The following RP1 variants were observed in gnomAD, a reference collection of about 807,000 sequenced individuals.
The protein encoded by RP1 is RP1 axonemal microtubule associated.
A neutral mutation model predicts 14.8 loss-of-function variants in RP1; 16 were observed. That is an observed-to-expected ratio of 1.08 (90% CI 0.73 to 1.65). The LOEUF (loss-of-function observed/expected upper bound fraction) is 1.65. Among genes scored for constraint, RP1 ranks in the 40% most tolerant of loss-of-function variants. The pLI is 0.00. For synonymous variants in RP1, 876 were observed against 883.6 expected (o/e 0.99, Z 0.15); for missense variants, 2,631 against 2,535.0 (o/e 1.04, Z -0.81).
chr8:54,667,782 C>T (rs1732021608), intron 7 of RP1, among the ~76,000 whole-genome samples: 1 of 151,996 alleles, frequency 6.6e-6, no homozygotes, highest in African/African-American at 2.4e-5. Flanking sequence ...TGACATCACC[C>T]AACCCAGTGA....
At chr8:54,858,745 T>A (rs1433554562) in intron 27 of RP1, among the ~76,000 whole-genome samples, 1 of 151,838 alleles carries the variant, frequency 6.6e-6, no homozygotes, top group Non-Finnish European at 1.5e-5. Flanking sequence ...GCAGTGCCAC[T>A]GTACAGCAAT....
intron 1 of RP1, among the ~76,000 whole-genome samples, chr8:54,610,986 T>C (rs1012539365): frequency 6.6e-6 from 1 of 152,356 alleles, no homozygotes; most frequent in South Asian, 2.1e-4. Flanking sequence ...CCCTCATTTT[T>C]AAAAGACAGT....
chr8:54,769,758 C>A lies in RP1; in HGVS notation c.3266C>A (p.Ser1089Tyr), dbSNP rs1020900911. The A allele has an allele frequency of 6.5e-6, 10 of 1,532,628 alleles. No homozygotes were observed. In the Admixed American group the frequency reaches 1.6e-4, roughly 24 times the overall value. The allele number at this position is 1,532,628 out of a possible 1,614,324, so 94.9% of individuals were successfully genotyped here. A position where few individuals can be genotyped will look rare whatever the true frequency, so the allele number is the denominator to read the frequency against. The change falls in exon 23 of 23, where the codon TCT (serine) becomes TAT (tyrosine). Residue 1089 changes from serine to tyrosine, a missense_variant. Coordinates refer to the RP1 transcript ENST00000636932. Reference sequence around the variant, plus strand: ...TTCCTCAGATGGCTTCCTTTCATGTCTCAGGGCATAATTCATTCAGAAATT... The same window carrying A: ...TTCCTCAGATGGCTTCCTTTCATGTATCAGGGCATAATTCATTCAGAAATT...
At chr8:54,586,068 G>A (rs142171591) in intron 1 of RP1, among the ~76,000 whole-genome samples, 1,780 of 152,290 alleles carry the variant, frequency 0.012, 34 homozygotes, top group African/African-American at 0.041. Flanking sequence ...AGGAGGAGAG[G>A]TGCTCTCATT....
At chr8:54,726,197 T>A in intron 16 of RP1, 1 of 875,568 alleles carries the variant, frequency 1.1e-6, no homozygotes, top group Non-Finnish European at 1.6e-6. Context: ...TTCTGTTAAC[T>A]ATGTAATTCT....
chr8:54,843,409 A>G (rs1811836044), intron 25 of RP1, among the ~76,000 whole-genome samples: 1 of 151,956 alleles, frequency 6.6e-6, no homozygotes, highest in Non-Finnish European at 1.5e-5. Flanking sequence ...CAACAATCAG[A>G]TATGTACGTT....
intron 15 of RP1, among the ~76,000 whole-genome samples, chr8:54,713,075 A>G (rs1808327601): frequency 6.6e-6 from 1 of 152,010 alleles, no homozygotes; most frequent in Non-Finnish European, 1.5e-5. Flanking sequence ...TACTCAAGAA[A>G]TGCTTTTTTT....
Position 54,630,036 on chromosome 8 carries a change from C to T in RP1, c.6154C>T (p.Gln2052Ter), listed in dbSNP as rs2129318575. 1 of 1,614,008 alleles carries T rather than the reference C, an allele frequency of 6.2e-7. No homozygotes were observed. The change falls in exon 4 of 4, where the codon CAA becomes TAA. Residue 2052 changes from glutamine to a stop codon, truncating the protein, a stop_gained. Transcript: ENST00000220676. LOFTEE classifies it low-confidence loss of function (END_TRUNC). ...TGTGGGTAATGTGGATTCAAATACA[C>T]AAGACCTCAGCGGTCAGACAAATGA... ...LVVGNVDSNT[Q>*]DLSGQTNEIF...
At chr8:54,584,421 C>T (rs1048030589) in intron 1 of RP1, among the ~76,000 whole-genome samples, 4 of 152,114 alleles carry the variant, frequency 2.6e-5, no homozygotes, top group African/African-American at 9.7e-5. Context: ...TTACTTCCAA[C>T]TATGTGGTCA....
intron 16 of RP1, among the ~76,000 whole-genome samples, chr8:54,723,675 CT>C (rs1457533719): frequency 1.3e-5 from 2 of 152,250 alleles, no homozygotes; most frequent in East Asian, 3.9e-4. Context: ...TGAAAGTTTT[CT>C]TCATTCTGTT....
intron 23 of RP1, among the ~76,000 whole-genome samples, chr8:54,780,663 A>T (rs1810165375): frequency 6.6e-6 from 1 of 152,192 alleles, no homozygotes; most frequent in Admixed American, 6.5e-5. Flanking sequence ...CATTGCATTT[A>T]TATAGTATTA....
At chr8:54,831,322 C>A (rs1306228683) in intron 24 of RP1, among the ~76,000 whole-genome samples, 1 of 149,414 alleles carries the variant, frequency 6.7e-6, no homozygotes, top group Non-Finnish European at 1.5e-5. Flanking sequence ...TTTTAGAATT[C>A]TTTATATATT....
intron 23 of RP1, among the ~76,000 whole-genome samples, chr8:54,782,020 G>T (rs1810201300): frequency 6.6e-6 from 1 of 152,174 alleles, no homozygotes; most frequent in Non-Finnish European, 1.5e-5. Context: ...CGGGGAAGGA[G>T]ATAAGGATGA....
At chr8:54,699,770 A>C (rs781508078) in intron 13 of RP1, among the ~76,000 whole-genome samples, 1 of 152,184 alleles carries the variant, frequency 6.6e-6, no homozygotes, top group Non-Finnish European at 1.5e-5. Flanking sequence ...GACAAGAAAA[A>C]GTAGACCAAT....
At chr8:54,695,443 AT>A in intron 12 of RP1, among the ~76,000 whole-genome samples, 1 of 152,068 alleles carries the variant, frequency 6.6e-6, no homozygotes, top group Non-Finnish European at 1.5e-5. Context: ...ATAACAAAAT[AT>A]GTAAATTTTT....
intron 28 of RP1, among the ~76,000 whole-genome samples, chr8:54,869,241 A>G (rs1052253139): frequency 6.6e-6 from 1 of 152,222 alleles, no homozygotes; most frequent in African/African-American, 2.4e-5. Flanking sequence ...TGGGAGCCAC[A>G]AGCCACATAT....
exon 26 of RP1, chr8:54,852,592 G>C (rs578103758): frequency 2.4e-6 from 3 of 1,231,546 alleles, no homozygotes; most frequent in Non-Finnish European, 3.0e-6. Flanking sequence ...TATGAGATTC[G>C]CATATACACA....
At chr8:54,821,056 C>T (rs989160615) in intron 24 of RP1, among the ~76,000 whole-genome samples, 2 of 151,974 alleles carry the variant, frequency 1.3e-5, no homozygotes, top group Non-Finnish European at 2.9e-5. Flanking sequence ...ATAGCACTGC[C>T]AAAGGTGGAC....
chr8:54,627,975 G>A lies in RP1; in HGVS notation c.4093G>A (p.Gly1365Ser). The A allele has an allele frequency of 6.2e-7, 1 of 1,614,068 alleles. No homozygotes were observed. Among genetic ancestry groups the A allele is most frequent in the Non-Finnish European group, 8.5e-7 (1 of 1,179,962 alleles). Residue 1365 changes from glycine to serine, a missense_variant, in exon 4 of 4, where the codon GGT becomes AGT. Coordinates refer to ENST00000220676, the MANE Select transcript of RP1 (RefSeq NM_006269.2). Reference protein sequence around the residue: ...NLDSTEELERGDDIQKDLNIL... With the variant: ...NLDSTEELERSDDIQKDLNIL... ...GGATTCAACTGAAGAGTTAGAAAGA[G>A]GTGATGACATTCAGAAAGATCTAAA...
Sources: allele counts gnomAD v4.1 joint callset (sites outside exome capture counted in the v4.1 genomes callset), GRCh38; gene constraint gnomAD v4.1.1; transcripts MANE v1.5; gene names NCBI Gene and HGNC (gene_info 2026-07-23, HGNC 2026-07-21).